The following PTPRT variants were observed in gnomAD, a reference collection of about 807,000 sequenced individuals.
PTPRT encodes receptor-type tyrosine-protein phosphatase T.
In PTPRT, 56 loss-of-function variants were observed where a neutral mutation model predicts 176.8. The observed-to-expected ratio is 0.32, with a 90% CI of 0.26 to 0.40. PTPRT has a LOEUF of 0.40. Ranked by LOEUF, PTPRT falls within the 10% of genes least tolerant of loss-of-function variation. The pLI, the probability that PTPRT is intolerant of heterozygous loss-of-function variation, is 1.00. For missense variants in PTPRT, 1,540 were observed against 1,908.2 expected (o/e 0.81, Z 3.60); for synonymous variants, 783 against 739.0 (o/e 1.06, Z -0.96).
chr20:42,894,170 G>A (rs1431276123), intron 1 of PTPRT, among the ~76,000 whole-genome samples: 1 of 152,186 alleles, frequency 6.6e-6, no homozygotes, highest in African/African-American at 2.4e-5. Context: ...ATGGAGAAGA[G>A]TAAGTTGAGA....
intron 9 of PTPRT, among the ~76,000 whole-genome samples, chr20:42,395,862 A>T (rs2058843643): frequency 1.3e-5 from 2 of 151,716 alleles, no homozygotes; most frequent in African/African-American, 4.8e-5. Flanking sequence ...TCATTTGATG[A>T]TTCTGCCTCA....
chr20:43,141,278 T>C (rs1013703927), intron 1 of PTPRT, among the ~76,000 whole-genome samples: 1 of 152,248 alleles, frequency 6.6e-6, no homozygotes, highest in Non-Finnish European at 1.5e-5. Flanking sequence ...GTCAATGCTC[T>C]GAGCTAGGCC....
chr20:42,138,348 G>T (rs1988469644), intron 18 of PTPRT, among the ~76,000 whole-genome samples: 1 of 152,186 alleles, frequency 6.6e-6, no homozygotes. Context: ...GTCACCATGG[G>T]TGGCTGCCTT....
intron 7 of PTPRT, among the ~76,000 whole-genome samples, chr20:42,510,309 G>A (rs963914537): frequency 3.3e-5 from 5 of 152,032 alleles, no homozygotes; most frequent in Admixed American, 6.6e-5. Context: ...CAGTCCTACA[G>A]CCCTTCCCTA....
downstream of PTPRT, among the ~76,000 whole-genome samples, chr20:42,069,622 G>T (rs1568893007): frequency 6.6e-6 from 1 of 152,070 alleles, no homozygotes; most frequent in Non-Finnish European, 1.5e-5. Flanking sequence ...AAATTATAAA[G>T]AACAAAAATT....
intron 8 of PTPRT, among the ~76,000 whole-genome samples, chr20:42,449,028 A>C (rs934100268): frequency 6.6e-6 from 1 of 152,188 alleles, no homozygotes; most frequent in Non-Finnish European, 1.5e-5. Flanking sequence ...GCTTCCCATC[A>C]TCTTACCAAG....
At chr20:42,115,968 CTGTT>C (rs1987256243) in intron 21 of PTPRT, 1 of 708,340 alleles carries the variant, frequency 1.4e-6, no homozygotes, top group Non-Finnish European at 2.6e-6. Context: ...CCCCAGTCGA[CTGTT>C]TAAGTCGCAC....
chr20:42,777,345 C>T (rs529172995), intron 4 of PTPRT, among the ~76,000 whole-genome samples: 52 of 152,268 alleles, frequency 3.4e-4, no homozygotes, highest in African/African-American at 1.2e-3. Flanking sequence ...GTGTGCAGGG[C>T]CTCTGCAACC....
chr20:42,585,492 T>G lies in PTPRT; in HGVS notation c.1153+92374A>C, dbSNP rs111340060. ...AATTCTAGCATTTTATGTAGTTACATCTATCATTTTATTTTAGTTCCTCTA... is the reference window on the plus strand; with the variant it reads ...AATTCTAGCATTTTATGTAGTTACAGCTATCATTTTATTTTAGTTCCTCTA... On this transcript the variant is annotated intron_variant, in intron 7 of 30. Coordinates refer to ENST00000373187, the MANE Select transcript of PTPRT (RefSeq NM_007050.6). 3.4e-3 allele frequency among the ~76,000 whole-genome samples: 522 copies of G among 152,338 alleles called. 2 individuals are homozygous for G. Among genetic ancestry groups the G allele is most frequent in the African/African-American group, 0.011 (474 of 41,574 alleles).
chr20:42,121,203 G>A (rs1281112015), intron 19 of PTPRT, among the ~76,000 whole-genome samples: 1 of 152,196 alleles, frequency 6.6e-6, no homozygotes, highest in African/African-American at 2.4e-5. Context: ...TCACTTGCTC[G>A]ATAATGATTT....
chr20:42,045,655 CT>C, the PTPRT span, among the ~76,000 whole-genome samples: 8 of 148,554 alleles, frequency 5.4e-5, no homozygotes, highest in Admixed American at 2.0e-4. Flanking sequence ...GTGGAAAGTC[CT>C]TTTTTTTTTC....
chr20:42,863,818 TC>T (rs2078700936), intron 2 of PTPRT, among the ~76,000 whole-genome samples: 1 of 152,190 alleles, frequency 6.6e-6, no homozygotes, highest in African/African-American at 2.4e-5. Flanking sequence ...GCCCCAGATC[TC>T]AGTCAGAGGA....
chr20:42,523,087 A>G (rs2072205838), intron 7 of PTPRT, among the ~76,000 whole-genome samples: 1 of 152,166 alleles, frequency 6.6e-6, no homozygotes, highest in Non-Finnish European at 1.5e-5. Context: ...CCAGACACAT[A>G]AGGTCTTACT....
intron 7 of PTPRT, among the ~76,000 whole-genome samples, chr20:42,617,152 T>G (rs1369094765): frequency 7.3e-6 from 1 of 136,780 alleles, no homozygotes; most frequent in African/African-American, 3.3e-5. Flanking sequence ...GCATGAAGGG[T>G]TGTTGAATTT....
At chr20:42,136,544 G>A (rs1283552575) in intron 18 of PTPRT, among the ~76,000 whole-genome samples, 1 of 152,000 alleles carries the variant, frequency 6.6e-6, no homozygotes, top group South Asian at 2.1e-4. Context: ...ATTGGAAAAC[G>A]CCCCTTTGTG....
chr20:43,177,257 C>T (rs899126756), intron 1 of PTPRT, among the ~76,000 whole-genome samples: 1 of 152,208 alleles, frequency 6.6e-6, no homozygotes. Flanking sequence ...ATCCATGGTT[C>T]TTCTCCCTTC....
rs6030580 is a variant in PTPRT, at chr20:42,982,250, C to T, written c.89-96318G>A. ...ACTCAGCATCATTATGCTGCCGGCA[C>T]GGGGCTGGGTGGTGGAGAGAGAGAG... On this transcript the variant is annotated intron_variant, in intron 1 of 30. Transcript: ENST00000373187. Among the ~76,000 whole-genome samples, 380 of 152,274 alleles carry T rather than the reference C, an allele frequency of 2.5e-3. 1 individual carries two copies. The highest frequency in any genetic ancestry group is 8.6e-3 in the African/African-American group (359 of 41,552).
chr20:42,099,546 C>CA (rs1985675342), intron 26 of PTPRT, among the ~76,000 whole-genome samples: 1 of 28,916 alleles, frequency 3.5e-5, no homozygotes, highest in South Asian at 1.9e-3. Flanking sequence ...ATGGCCTGGG[C>CA]GGGGGGGGGG....
chr20:42,554,212 T>A (rs2072820629), intron 7 of PTPRT, among the ~76,000 whole-genome samples: 1 of 152,142 alleles, frequency 6.6e-6, no homozygotes, highest in African/African-American at 2.4e-5. Context: ...CCTTAAAATA[T>A]TTTTACTCCA....
Sources: gnomAD v4.1 joint callset for allele counts (sites outside exome capture counted in the v4.1 genomes callset) on GRCh38, gnomAD v4.1.1 for gene constraint, MANE v1.5 for transcripts, NCBI Gene and HGNC (gene_info 2026-07-23, HGNC 2026-07-21) for gene names.